NAAA: variants seen among roughly 807,000 people sequenced by gnomAD.
NAAA encodes the protein N-acylethanolamine acid amidase, also known as N-acylethanolamine-hydrolyzing acid amidase.
A neutral mutation model predicts 44.8 loss-of-function variants in NAAA; 39 were observed. That is an observed-to-expected ratio of 0.87 (90% CI 0.67 to 1.14). The LOEUF is 1.14. Among genes scored for constraint, NAAA ranks in the 50% most tolerant of loss-of-function variants. The pLI is 0.00. For synonymous variants in NAAA, 178 were observed against 191.3 expected (o/e 0.93, Z 0.58); for missense variants, 460 against 467.8 (o/e 0.98, Z 0.15).
chr4:75,910,728 C>T (rs1333051442), downstream of NAAA, among the ~76,000 whole-genome samples: 1 of 152,142 alleles, frequency 6.6e-6, no homozygotes, highest in Admixed American at 6.5e-5. Flanking sequence ...ATTTGGGGAG[C>T]ACAACAAATC....
chr4:75,911,094 G>A (rs1454346913), downstream of NAAA, among the ~76,000 whole-genome samples: 1 of 152,134 alleles, frequency 6.6e-6, no homozygotes, highest in Non-Finnish European at 1.5e-5. Flanking sequence ...CACAAGGGCG[G>A]GGGAATATCA....
downstream of NAAA, among the ~76,000 whole-genome samples, chr4:75,913,285 C>T (rs569165007): frequency 2.6e-5 from 4 of 151,778 alleles, no homozygotes; most frequent in African/African-American, 7.3e-5. Flanking sequence ...TTTTATCCCC[C>T]GCTCCTGCTT....
chr4:75,926,938 AG>A (rs1242069876), intron 4 of NAAA, among the ~76,000 whole-genome samples: 1 of 152,000 alleles, frequency 6.6e-6, no homozygotes, highest in Admixed American at 6.6e-5. Flanking sequence ...CTGTTGGTCA[AG>A]GCTGCAGTGA....
At chr4:75,936,296 G>T in intron 2 of NAAA, 61 bp from the exon 3 acceptor site, 1 of 1,558,328 alleles carries the variant, frequency 6.4e-7, no homozygotes, top group South Asian at 1.2e-5. Flanking sequence ...AAAGGAAAAG[G>T]AGTTTTTCAT....
At chr4:75,918,658 C>G in intron 9 of NAAA, 103 bp downstream of exon 9, 1 of 1,259,112 alleles carries the variant, frequency 7.9e-7, no homozygotes, top group Non-Finnish European at 1.2e-6. Context: ...CCCCCACAGC[C>G]TGGTTACAGG....
intron 2 of NAAA, among the ~76,000 whole-genome samples, chr4:75,937,965 C>T (rs1418980508): frequency 6.6e-6 from 1 of 152,224 alleles, no homozygotes; most frequent in Non-Finnish European, 1.5e-5. Flanking sequence ...TGCAGCAGTG[C>T]ACAAGCATGG....
At chr4:75,912,881 A>G (rs1032671648), downstream of NAAA, among the ~76,000 whole-genome samples, 2 of 152,194 alleles carry the variant, frequency 1.3e-5, no homozygotes, top group African/African-American at 4.8e-5. Context: ...TTAAAAGGGC[A>G]TTGGATGATG....
intron 9 of NAAA, among the ~76,000 whole-genome samples, chr4:75,918,372 G>A (rs1725823633): frequency 2.0e-5 from 3 of 152,050 alleles, no homozygotes; most frequent in African/African-American, 4.8e-5. Flanking sequence ...GGAGAATGGT[G>A]TGAACCTGGG....
intron 7 of NAAA, among the ~76,000 whole-genome samples, chr4:75,920,351 G>C (rs1487184801): frequency 6.6e-6 from 1 of 152,180 alleles, no homozygotes; most frequent in Admixed American, 6.5e-5. Flanking sequence ...CCCTTGACTG[G>C]TTTATTTATT....
downstream of NAAA, among the ~76,000 whole-genome samples, chr4:75,912,415 A>G (rs1429534246): frequency 3.3e-5 from 5 of 151,984 alleles, no homozygotes; most frequent in African/African-American, 4.8e-5. Flanking sequence ...TTAGCCGGGC[A>G]TGGTGGCACA....
Position 75,927,497 on chromosome 4 carries a change from C to T in NAAA, c.590-1686G>A, listed in dbSNP as rs1726811359. On this transcript the variant is annotated intron_variant, in intron 4 of 10. Transcript: ENST00000286733. ...AAAAAACAGGCCTTGTGCAGTGGCT[C>T]ACTCCTGTAATCCCAGCACTTTGGG... Among the ~76,000 whole-genome samples the T allele has an allele frequency of 2.0e-5, 3 of 151,792 alleles. No individual in the cohort carries two copies. The South Asian group carries it at 6.3e-4, about 32-fold the overall frequency.
At chr4:75,917,792 A>G (rs973303694) in intron 9 of NAAA, 38 of 424,530 alleles carry the variant, frequency 9.0e-5, no homozygotes, top group African/African-American at 6.1e-4. Context: ...AAAAAAAAAA[A>G]GAAAAAGAAA....
chr4:75,937,328 A>G (rs937451220), intron 2 of NAAA, among the ~76,000 whole-genome samples: 16 of 152,234 alleles, frequency 1.1e-4, no homozygotes, highest in African/African-American at 3.4e-4. Flanking sequence ...CTGAGGCAGG[A>G]AAATCGCTTG....
intron 5 of NAAA, among the ~76,000 whole-genome samples, chr4:75,922,661 G>A (rs1214049935): frequency 6.6e-6 from 1 of 152,190 alleles, no homozygotes; most frequent in African/African-American, 2.4e-5. Flanking sequence ...TCTTCATTCT[G>A]AAGACTCCTA....
In NAAA at chr4:75,936,983, T is replaced by C. The variant is rs757415361; in HGVS notation, c.372-748A>G. On this transcript the variant is annotated intron_variant, in intron 2 of 10. Transcript: ENST00000286733. ...CTGAGAGAAAATATCCTGAAGGGTT[T>C]TTCTGGTCATTTTTTAATAACAGGA... 4.7e-4 allele frequency among the ~76,000 whole-genome samples: 71 copies of C among 152,364 alleles called. 1 individual carries two copies. Among genetic ancestry groups the C allele is most frequent in the Middle Eastern group, 3.4e-3 (1 of 294 alleles).
chr4:75,927,645 C>CG (rs1726845952), intron 4 of NAAA, among the ~76,000 whole-genome samples: 1 of 97,292 alleles, frequency 1.0e-5, no homozygotes. Context: ...CCCCCCCCCC[C>CG]CCGCCAAAAA....
chr4:75,914,434 G>C (rs1199784894), intron 10 of NAAA, 96 bp from the exon 11 acceptor site: 1 of 456,810 alleles, frequency 2.2e-6, no homozygotes, highest in Non-Finnish European at 2.9e-6. Context: ...GAGTGCAGTG[G>C]TGTGATCTCA....
At chr4:75,936,617 A>T (rs1165077784) in intron 2 of NAAA, among the ~76,000 whole-genome samples, 1 of 152,230 alleles carries the variant, frequency 6.6e-6, no homozygotes, top group East Asian at 1.9e-4. Context: ...CACATGATTC[A>T]AAGCCAGCTC....
At chr4:75,927,151 C>T (rs1349974145) in intron 4 of NAAA, among the ~76,000 whole-genome samples, 1 of 152,140 alleles carries the variant, frequency 6.6e-6, no homozygotes, top group Admixed American at 6.5e-5. Flanking sequence ...CCACCTCACA[C>T]CCATTAAGAT....
Sources: allele counts gnomAD v4.1 joint callset (sites outside exome capture counted in the v4.1 genomes callset), GRCh38; gene constraint gnomAD v4.1.1; transcripts MANE v1.5; gene names NCBI Gene and HGNC (gene_info 2026-07-23, HGNC 2026-07-21).